KAZN: variants seen among roughly 807,000 people sequenced by gnomAD.
KAZN encodes kazrin, periplakin interacting protein.
Under a neutral mutation model 87.4 loss-of-function variants are expected in KAZN, and 40 were observed. The ratio of observed to expected loss-of-function variants is 0.46; its 90% CI spans 0.36 to 0.60. The LOEUF (loss-of-function observed/expected upper bound fraction) is 0.60, where lower values mean the gene tolerates loss of function less well. KAZN is among the 20% of genes least tolerant of loss of function. The probability of loss-of-function intolerance (pLI) is 0.00; values close to 1 mark genes in which losing one functional copy is unlikely to be tolerated. For synonymous variants in KAZN, 466 were observed against 458.3 expected, an observed-to-expected ratio of 1.02 and a Z score of -0.22; for missense variants, 898 against 1,073.9, an observed-to-expected ratio of 0.84 and a Z score of 2.29.
In KAZN at chr1:15,115,639, C is replaced by G. The variant is rs1037770475; in HGVS notation, c.*1004C>G. On this transcript the variant is annotated 3_prime_UTR_variant, in exon 15 of 15. Coordinates refer to ENST00000376030, the MANE Select transcript of KAZN (RefSeq NM_201628.3). The surrounding 1 kb of genome is among the most constrained non-coding windows in gnomAD (Gnocchi z 4.1). ...TGACATAGCTCACCAATGTCCTAAC[C>G]GAGACACAAACTCCACAGAGCAAAA... The G allele has an allele frequency of 6.6e-6, 1 of 152,114 alleles. No individual in the cohort carries two copies. The highest frequency in any genetic ancestry group is 1.5e-5 in the Non-Finnish European group (1 of 68,016). 9.4% of individuals were successfully genotyped at this position (152,114 alleles called of 1,614,324 possible). A position where few individuals can be genotyped will look rare whatever the true frequency, so the allele number is the denominator to read the frequency against.
At chr1:14,719,086 A>T (rs998600536) in intron 1 of KAZN, among the ~76,000 whole-genome samples, 1 of 152,170 alleles carries the variant, frequency 6.6e-6, no homozygotes, top group Non-Finnish European at 1.5e-5. Context: ...CCATAGGACC[A>T]ACCCACACTC....
intron 1 of KAZN, among the ~76,000 whole-genome samples, chr1:14,639,154 C>A (rs772390823): frequency 1.4e-4 from 21 of 152,210 alleles, no homozygotes; most frequent in Non-Finnish European, 1.9e-4. Flanking sequence ...ACCCCAAATC[C>A]ATGGACCCCA....
intron 1 of KAZN, among the ~76,000 whole-genome samples, chr1:14,865,533 GA>G (rs1370057249): frequency 1.3e-5 from 2 of 152,140 alleles, no homozygotes; most frequent in African/African-American, 4.8e-5. Context: ...ACTGCAACCA[GA>G]AAACACCCTT....
chr1:14,528,654 C>T (rs549026395), intron 2 of KAZN, among the ~76,000 whole-genome samples: 1 of 148,264 alleles, frequency 6.7e-6, no homozygotes, highest in Non-Finnish European at 1.5e-5. Flanking sequence ...GAGGTTGAAA[C>T]GGGAAGATCG....
In KAZN at chr1:14,579,968, A is replaced by C. The variant is rs141428073; in HGVS notation, c.250-19015A>C. Among the ~76,000 whole-genome samples the C allele has an allele frequency of 3.9e-3, 590 of 150,952 alleles. 5 individuals are homozygous for C. The highest frequency in any genetic ancestry group is 0.014 in the African/African-American group (567 of 40,968). Reference sequence around the variant, plus strand: ...AGGACATCATATAGACCTTTTGCCAAGTGGGAGGGGGGTTGGGGAAATCTG... The same window carrying C: ...AGGACATCATATAGACCTTTTGCCACGTGGGAGGGGGGTTGGGGAAATCTG... On this transcript the variant is annotated intron_variant, in intron 2 of 16. Transcript: ENST00000636203.
At chr1:14,965,177 C>T (rs1236604797) in intron 2 of KAZN, among the ~76,000 whole-genome samples, 1 of 152,026 alleles carries the variant, frequency 6.6e-6, no homozygotes, top group Admixed American at 6.6e-5. Context: ...CACCACCATG[C>T]CCGGCTAATT....
chr1:14,593,398 C>T (rs1238624400), intron 2 of KAZN, among the ~76,000 whole-genome samples: 1 of 152,170 alleles, frequency 6.6e-6, no homozygotes, highest in Non-Finnish European at 1.5e-5. Flanking sequence ...CTGAGGCTCA[C>T]GGTCTGGCTC....
chr1:14,779,353 G>A (rs968625092), intron 1 of KAZN, among the ~76,000 whole-genome samples: 26 of 152,186 alleles, frequency 1.7e-4, no homozygotes, highest in Admixed American at 1.6e-3. Flanking sequence ...GCTTCCCTCT[G>A]GGGCTTTTCT....
intron 1 of KAZN, among the ~76,000 whole-genome samples, chr1:14,958,681 G>T (rs956187827): frequency 6.6e-6 from 1 of 152,198 alleles, no homozygotes; most frequent in African/African-American, 2.4e-5. Context: ...CCTCGGGGGC[G>T]AGGACTGTGC....
chr1:14,482,933 A>G (rs1027447526), intron 2 of KAZN, among the ~76,000 whole-genome samples: 2 of 151,958 alleles, frequency 1.3e-5, no homozygotes, highest in African/African-American at 4.8e-5. Flanking sequence ...AAGTTACATA[A>G]CCTCTTTATT....
At chr1:13,959,441 A>G (rs1177983620) in intron 1 of KAZN, among the ~76,000 whole-genome samples, 2 of 152,206 alleles carry the variant, frequency 1.3e-5, no homozygotes, top group South Asian at 2.1e-4. Context: ...CAGGATCCAC[A>G]TCTAATTCTC....
At position 15,081,826 on chromosome 1, in the gene KAZN, C is replaced by T. The variant is rs950136316; in HGVS notation, c.1223-12354C>T. 6.6e-6 allele frequency among the ~76,000 whole-genome samples: 1 copy of T among 152,128 alleles called. No homozygotes were observed. Among genetic ancestry groups the T allele is most frequent in the Admixed American group, 6.5e-5 (1 of 15,274 alleles). ...CAGGGGTGAGAAGCTAAGGATGAAG[C>T]TGGCAAGGTCGGCCTGTGGGTCACA... On this transcript the variant is annotated intron_variant, in intron 8 of 14. Transcript: ENST00000376030. This position sits in a 1 kb window ranked among gnomAD's most constrained non-coding sequence, Gnocchi z 4.1.
At chr1:14,348,656 C>T (rs142571830) in intron 2 of KAZN, among the ~76,000 whole-genome samples, 216 of 152,338 alleles carry the variant, frequency 1.4e-3, no homozygotes, top group African/African-American at 4.5e-3. Context: ...GGATAGTTCA[C>T]ATTTTTCCTT....
intron 1 of KAZN, among the ~76,000 whole-genome samples, chr1:14,854,430 C>G (rs955029497): frequency 6.6e-6 from 1 of 152,142 alleles, no homozygotes; most frequent in African/African-American, 2.4e-5. Flanking sequence ...TTATTTAGCT[C>G]ATGGTTTTGC....
intron 1 of KAZN, among the ~76,000 whole-genome samples, chr1:14,107,317 A>C (rs1283059604): frequency 6.6e-6 from 1 of 151,648 alleles, no homozygotes; most frequent in Non-Finnish European, 1.5e-5. Flanking sequence ...CAAGCCAGCA[A>C]TTTGTGTCAC....
At chr1:14,871,635 T>G (rs554456363) in intron 1 of KAZN, among the ~76,000 whole-genome samples, 1 of 138,266 alleles carries the variant, frequency 7.2e-6, no homozygotes, top group Non-Finnish European at 1.6e-5. Flanking sequence ...GCCTGAGACA[T>G]CTACATGAGC....
rs1052631055 is a variant in KAZN at position 14,404,745 on chromosome 1, A to G, written c.250-194238A>G. Among the ~76,000 whole-genome samples the G allele has an allele frequency of 4.6e-4, 70 of 152,234 alleles. 1 individual carries two copies. Among genetic ancestry groups the G allele is most frequent in the Non-Finnish European group, 8.1e-4 (55 of 68,040 alleles). On this transcript the variant is annotated intron_variant, in intron 2 of 16. Coordinates refer to the KAZN transcript ENST00000636203. Reference sequence around the variant, plus strand: ...TGAAGTACTGAAAATTCTCAAAAATAGTAAGAAAAACAAACTAATTGATGA... The same window carrying G: ...TGAAGTACTGAAAATTCTCAAAAATGGTAAGAAAAACAAACTAATTGATGA...
At chr1:14,538,994 T>C (rs1378880514) in intron 2 of KAZN, among the ~76,000 whole-genome samples, 7 of 152,150 alleles carry the variant, frequency 4.6e-5, no homozygotes, top group Non-Finnish European at 1.0e-4. Flanking sequence ...GGCACAGTTA[T>C]TCACTAAAAC....
intron 1 of KAZN, among the ~76,000 whole-genome samples, chr1:14,058,426 G>A (rs1239438775): frequency 6.6e-6 from 1 of 152,130 alleles, no homozygotes; most frequent in Non-Finnish European, 1.5e-5. Context: ...CAGTGGGCAT[G>A]GGAAAGGGAA....
Sources: gnomAD v4.1 joint callset for allele counts (sites outside exome capture counted in the v4.1 genomes callset) on GRCh38, gnomAD v4.1.1 for gene constraint, Gnocchi (gnomAD v3.1) non-coding constraint, MANE v1.5 for transcripts, NCBI Gene and HGNC (gene_info 2026-07-23, HGNC 2026-07-21) for gene names.